DARS1: variants seen among roughly 807,000 people sequenced by gnomAD.
DARS1 encodes the protein aspartyl-tRNA synthetase 1, also known as aspartate--tRNA ligase, cytoplasmic.
DARS1 carries 51 observed loss-of-function variants against 68.8 expected under a neutral mutation model. That is an observed-to-expected ratio of 0.74 (90% CI 0.59 to 0.94). The LOEUF is 0.94. Ranked by LOEUF, DARS1 falls within the 40% of genes least tolerant of loss-of-function variation. The pLI, the probability that DARS1 is intolerant of heterozygous loss-of-function variation, is 0.00. For missense variants in DARS1, 607 were observed against 597.3 expected (o/e 1.02, Z -0.17); for synonymous variants, 203 against 190.4 (o/e 1.07, Z -0.55).
chr2:135,934,119 T>G, intron 5 of DARS1, 129 bp from the exon 6 acceptor site: 8 of 1,396,598 alleles, frequency 5.7e-6, no homozygotes, highest in Non-Finnish European at 7.5e-6. Context: ...AACTACTTGC[T>G]GAAATCAAAC....
rs1024959835 is a variant in DARS1 at position 135,906,321 on chromosome 2, A to C, written c.*995T>G. On this transcript the variant is annotated 3_prime_UTR_variant, in exon 16 of 16. Coordinates refer to ENST00000264161, the MANE Select transcript of DARS1 (RefSeq NM_001349.4). ...TAACATTAGCATCAACATTTGTAATAATCTAGAGGGAAAGTGTTTCTAACT... is the reference window on the plus strand; with the variant it reads ...TAACATTAGCATCAACATTTGTAATCATCTAGAGGGAAAGTGTTTCTAACT... 7.4e-5 allele frequency among the ~76,000 whole-genome samples: 8 copies of C among 107,900 alleles called. No homozygotes were observed. In the South Asian group the frequency reaches 1.8e-3, roughly 24 times the overall value. 70.8% of individuals were successfully genotyped at this position (107,900 alleles called of 152,430 possible). A position where few individuals can be genotyped will look rare whatever the true frequency, so the allele number is the denominator to read the frequency against.
chr2:135,973,787 A>G (rs1391201259), intron 3 of DARS1, among the ~76,000 whole-genome samples: 3 of 152,168 alleles, frequency 2.0e-5, no homozygotes, highest in Non-Finnish European at 4.4e-5. Context: ...GGATGGCTTG[A>G]GCCTAGGAGC....
At chr2:135,949,155 G>A (rs1681788594) in intron 4 of DARS1, among the ~76,000 whole-genome samples, 1 of 152,080 alleles carries the variant, frequency 6.6e-6, no homozygotes, top group Non-Finnish European at 1.5e-5. Context: ...ATACCTCTAT[G>A]TTTGGGGAGA....
chr2:135,965,321 A>G (rs1682199060), intron 3 of DARS1, among the ~76,000 whole-genome samples: 1 of 152,208 alleles, frequency 6.6e-6, no homozygotes, highest in Admixed American at 6.5e-5. Flanking sequence ...TAACCTATAT[A>G]AATTAATCTT....
At chr2:135,949,320 A>G (rs1681794895) in intron 4 of DARS1, among the ~76,000 whole-genome samples, 1 of 152,172 alleles carries the variant, frequency 6.6e-6, no homozygotes, top group African/African-American at 2.4e-5. Context: ...GTCAATACAA[A>G]AAGGCCTCCA....
intron 11 of DARS1, among the ~76,000 whole-genome samples, chr2:135,915,257 T>C (rs1680980176): frequency 6.6e-6 from 1 of 152,100 alleles, no homozygotes. Flanking sequence ...GAATAAAATA[T>C]AAGTAGATAG....
At chr2:135,954,832 C>T (rs142483671) in intron 4 of DARS1, among the ~76,000 whole-genome samples, 103 of 152,124 alleles carry the variant, frequency 6.8e-4, no homozygotes, top group Admixed American at 5.3e-3. Context: ...CATCATTATT[C>T]ACATAATCTA....
Position 135,979,310 on chromosome 2 carries a change from A to T in DARS1, c.181T>A (p.Trp61Arg). The change falls in exon 3 of 16, where the codon TGG becomes AGG. Residue 61 changes from tryptophan to arginine, a missense_variant. By Grantham distance (101) the Trp-to-Arg change is moderately radical. Transcript: ENST00000264161. ...CTTGTATGAACTCTTGCACGTACCC[A>T]AACAACTTCATCAGCTTTTTGTATT... Reference protein sequence around the residue: ...LTIQKADEVVWVRARVHTSRA... With the variant: ...LTIQKADEVVRVRARVHTSRA... The T allele has an allele frequency of 6.6e-7, 1 of 1,524,250 alleles. No individual in the cohort carries two copies. Among genetic ancestry groups the T allele is most frequent in the East Asian group, 2.3e-5 (1 of 44,440 alleles). The allele number at this position is 1,524,250 out of a possible 1,614,324, so 94.4% of individuals were successfully genotyped here.
intron 4 of DARS1, among the ~76,000 whole-genome samples, chr2:135,959,340 G>A (rs1682047621): frequency 7.8e-6 from 1 of 128,066 alleles, no homozygotes; most frequent in Non-Finnish European, 1.6e-5. Flanking sequence ...GCGATGAGCG[G>A]AGACCACGCC....
Position 135,906,803 on chromosome 2 carries a change from C to G in DARS1, c.*513G>C, listed in dbSNP as rs925874007. ...AATTTCTAGGCATAACTTTTAAGAA[C>G]TGATACTTTCTGGTTAATTTTCCAT... On this transcript the variant is annotated 3_prime_UTR_variant, in exon 16 of 16. Transcript: ENST00000264161. 1 of 152,242 alleles carries G rather than the reference C, an allele frequency of 6.6e-6. No homozygotes were observed. The highest frequency in any genetic ancestry group is 1.5e-5 in the Non-Finnish European group (1 of 68,058). The allele number at this position is 152,242 out of a possible 1,614,324, so 9.4% of individuals were successfully genotyped here. A position where few individuals can be genotyped will look rare whatever the true frequency, so the allele number is the denominator to read the frequency against.
intron 3 of DARS1, among the ~76,000 whole-genome samples, chr2:135,966,576 T>C (rs1682241140): frequency 6.6e-6 from 1 of 152,264 alleles, no homozygotes; most frequent in African/African-American, 2.4e-5. Context: ...TCTTGCTCTG[T>C]TGTCCAGGCT....
chr2:135,982,587 C>G (rs1682661624), intron 2 of DARS1, among the ~76,000 whole-genome samples: 1 of 150,164 alleles, frequency 6.7e-6, no homozygotes, highest in Non-Finnish European at 1.5e-5. Context: ...CAGAGCGAGC[C>G]TCTGTCTCCC....
rs992435404 is a variant in DARS1 at position 135,907,242 on chromosome 2, C to CTTT, written c.*71_*73dup. The CTTT allele has an allele frequency of 1.2e-3, 531 of 453,560 alleles. 8 individuals carry two copies. Among genetic ancestry groups the CTTT allele is most frequent in the South Asian group, 5.4e-3 (186 of 34,724 alleles). 28.1% of individuals were successfully genotyped at this position (453,560 alleles called of 1,614,324 possible). ...TACTGAAAAGAATAAGTGTGGCTTT[C>CTTT]TTTTTTTTTTTTTTTTTTTGAGGCA... On this transcript the variant is annotated 3_prime_UTR_variant, in exon 16 of 16. Transcript: ENST00000264161.
chr2:135,956,385 C>T (rs757816690), intron 4 of DARS1, among the ~76,000 whole-genome samples: 1 of 152,144 alleles, frequency 6.6e-6, no homozygotes, highest in Non-Finnish European at 1.5e-5. Flanking sequence ...CTAAAATGAC[C>T]TAACAGGATT....
chr2:135,913,586 A>G (rs1042921337), intron 12 of DARS1, among the ~76,000 whole-genome samples: 9 of 151,984 alleles, frequency 5.9e-5, no homozygotes, highest in African/African-American at 2.2e-4. Flanking sequence ...GTGAAACCCT[A>G]TCTCTACTAA....
chr2:135,959,294 T>C (rs1482491266), intron 4 of DARS1, among the ~76,000 whole-genome samples: 1 of 147,968 alleles, frequency 6.8e-6, no homozygotes, highest in Non-Finnish European at 1.5e-5. Context: ...CTGGGGAGGC[T>C]GAGGCAGGAG....
intron 7 of DARS1, among the ~76,000 whole-genome samples, chr2:135,929,022 G>C (rs1388112600): frequency 6.6e-6 from 1 of 152,156 alleles, no homozygotes; most frequent in Non-Finnish European, 1.5e-5. Flanking sequence ...TATGTGTTCA[G>C]GTTAACTGTG....
chr2:135,937,882 C>G (rs1415784732), intron 5 of DARS1, among the ~76,000 whole-genome samples: 1 of 152,218 alleles, frequency 6.6e-6, no homozygotes, highest in South Asian at 2.1e-4. Context: ...ATGGGCTTCC[C>G]TTTGCGGGTA....
chr2:135,947,453 G>C lies in DARS1; in HGVS notation c.321-3973C>G, dbSNP rs1485096161. ...GAAAGAAAAAAGAGAAAAAAGAAAA[G>C]AGATTTAACAACTAAATCCCTAAAG... On this transcript the variant is annotated intron_variant, in intron 4 of 15. Transcript: ENST00000264161. Among the ~76,000 whole-genome samples the C allele has an allele frequency of 6.7e-5, 10 of 149,930 alleles. No homozygotes were observed. The East Asian group carries it at 2.0e-3, about 29-fold the overall frequency.
Sources: allele counts gnomAD v4.1 joint callset (sites outside exome capture counted in the v4.1 genomes callset), GRCh38; gene constraint gnomAD v4.1.1; transcripts MANE v1.5; gene names NCBI Gene and HGNC (gene_info 2026-07-23, HGNC 2026-07-21).